USP42: variants seen among roughly 807,000 people sequenced by gnomAD.
The protein encoded by USP42 is ubiquitin carboxyl-terminal hydrolase 42.
In USP42, 23 loss-of-function variants were observed where a neutral mutation model predicts 113.0. The ratio of observed to expected loss-of-function variants is 0.20; its 90% CI spans 0.15 to 0.29. The LOEUF is 0.29. Among genes scored for constraint, USP42 ranks in the 10% least tolerant of loss-of-function variants. USP42 has a pLI of 1.00. For synonymous variants in USP42, 933 were observed against 699.0 expected, an observed-to-expected ratio of 1.33 and a Z score of -5.28; for missense variants, 2,174 against 1,779.8, an observed-to-expected ratio of 1.22 and a Z score of -3.99.
Position 6,157,395 on chromosome 7 carries a change from T to C in USP42, c.3943+340T>C. The stretch of plus-strand genomic sequence containing the variant: ...TTTGGTTTGGTTTTATTTTATTTTA[T>C]TTTATTTATTTTATTTTTTGAGACG... On this transcript the variant is annotated intron_variant, in intron 16 of 17. Transcript: ENST00000306177. This position sits in a 1 kb window ranked among gnomAD's most constrained non-coding sequence, Gnocchi z 4.1. The C allele has an allele frequency of 1.0e-6, 1 of 985,272 alleles. No homozygotes were observed. 61.0% of individuals were successfully genotyped at this position (985,272 alleles called of 1,614,324 possible).
At chr7:6,109,700 CTTTT>C (rs34684085) in intron 1 of USP42, among the ~76,000 whole-genome samples, 2 of 125,580 alleles carry the variant, frequency 1.6e-5, no homozygotes, top group Non-Finnish European at 1.7e-5. Context: ...CCCGCCCGGC[CTTTT>C]TTTTTTTTTT....
At chr7:6,135,651 C>CAA (rs1173165919) in intron 3 of USP42, among the ~76,000 whole-genome samples, 190 bp from the exon 4 acceptor site, 1,197 of 16,062 alleles carry the variant, frequency 0.075, 222 homozygotes, top group East Asian at 0.26. Context: ...GACTCCATCT[C>CAA]AAAAAAAAAA....
chr7:6,086,516 A>T, the USP42 span, among the ~76,000 whole-genome samples: 1 of 150,640 alleles, frequency 6.6e-6, no homozygotes, highest in East Asian at 2.0e-4. Flanking sequence ...AGCCGGGCTA[A>T]TTTTTGTATT....
the USP42 span, among the ~76,000 whole-genome samples, chr7:6,087,172 CAG>C: frequency 3.1e-4 from 46 of 149,836 alleles, no homozygotes; most frequent in Non-Finnish European, 6.0e-4. Flanking sequence ...GCTGGGATAA[CAG>C]GGGTGTGCCA....
At chr7:6,083,223 CTTATTTATTTATTTATTTATTTATTTAT>C in the USP42 span, among the ~76,000 whole-genome samples, 3 of 130,792 alleles carry the variant, frequency 2.3e-5, no homozygotes, top group East Asian at 2.2e-4. Context: ...CCGCACCCAG[CTTATTTATTTATTTATTTATTTATTTAT>C]TTATTTATTT....
rs374371362 is a variant in USP42, at chr7:6,154,931, C to A, written c.3377C>A (p.Ala1126Asp). The change falls in exon 15 of 18, where the codon GCC becomes GAC. Residue 1126 changes from alanine (A) to aspartate (D), a missense_variant. Ala to Asp is a moderately radical substitution (Grantham distance 126). Transcript: ENST00000306177. ...SPRAGAPHALAPHPDRFSHDR... is the reference protein window; with the variant it reads ...SPRAGAPHALDPHPDRFSHDR... ...CGCGCAGGCGCGCCCCACGCCCTCGCCCCGCACCCCGACCGCTTCTCCCAC... is the reference window on the plus strand; with the variant it reads ...CGCGCAGGCGCGCCCCACGCCCTCGACCCGCACCCCGACCGCTTCTCCCAC... The A allele has an allele frequency of 1.8e-4, 275 of 1,551,184 alleles. No homozygotes were observed. The African/African-American group carries it at 3.0e-3, about 17-fold the overall frequency.
intron 3 of USP42, among the ~76,000 whole-genome samples, chr7:6,119,196 T>C (rs1337434622): frequency 1.3e-5 from 2 of 152,084 alleles, no homozygotes; most frequent in Admixed American, 1.3e-4. Flanking sequence ...GCCTGAGTGA[T>C]AGAGTGAGAT....
At chr7:6,102,256 A>G (rs901174752), upstream of USP42, among the ~76,000 whole-genome samples, 1 of 149,262 alleles carries the variant, frequency 6.7e-6, no homozygotes, top group East Asian at 2.0e-4. Context: ...CTGGGATTAC[A>G]GGTGCCATCA....
At chr7:6,099,980 C>G (rs1010042536), upstream of USP42, among the ~76,000 whole-genome samples, 1 of 136,648 alleles carries the variant, frequency 7.3e-6, no homozygotes, top group Non-Finnish European at 1.6e-5. Context: ...AAAAAAAATT[C>G]TATTACTACC....
In USP42 at chr7:6,145,767, C is replaced by T. The variant is rs745899992; in HGVS notation, c.1131+111C>T. On this transcript the variant is annotated intron_variant, in intron 10 of 17. Coordinates refer to ENST00000306177, the MANE Select transcript of USP42 (RefSeq NM_032172.3). The stretch of plus-strand genomic sequence containing the variant: ...CTTTTACAGTTAAAATGTGAATACC[C>T]GAGGTAAAAATATTTCTCTTGGCCG... 8.1e-6 allele frequency: 10 copies of T among 1,237,826 alleles called. 1 individual carries two copies. In the South Asian group the frequency reaches 8.5e-5, roughly 11 times the overall value. 76.7% of individuals were successfully genotyped at this position (1,237,826 alleles called of 1,614,324 possible). A position where few individuals can be genotyped will look rare whatever the true frequency, so the allele number is the denominator to read the frequency against.
chr7:6,106,317 G>A (rs1779273178), intron 1 of USP42, among the ~76,000 whole-genome samples: 1 of 152,168 alleles, frequency 6.6e-6, no homozygotes, highest in Non-Finnish European at 1.5e-5. Flanking sequence ...TGTTTACGAA[G>A]AAGCAGAGCG....
chr7:6,154,385 G>A lies in USP42; in HGVS notation c.2831G>A (p.Ser944Asn). The A allele has an allele frequency of 1.3e-6, 2 of 1,576,448 alleles. No homozygotes were observed. Among genetic ancestry groups the A allele is most frequent in the East Asian group, 2.4e-5 (1 of 42,382 alleles). ...TCCCCAGCGAAGGAGAAAATCGGCAGCCTCAGAAAGGTGGACCGAGGCCAC... is the reference window on the plus strand; with the variant it reads ...TCCCCAGCGAAGGAGAAAATCGGCAACCTCAGAAAGGTGGACCGAGGCCAC... Reference protein sequence around the residue: ...GPSPAKEKIGSLRKVDRGHYR... With the variant: ...GPSPAKEKIGNLRKVDRGHYR... The change falls in exon 15 of 18, where the codon AGC becomes AAC. Residue 944 changes from serine to asparagine, a missense_variant. Ser to Asn is a conservative substitution (Grantham distance 46). Transcript: ENST00000306177.
At chr7:6,102,890 G>A (rs1790171000), upstream of USP42, among the ~76,000 whole-genome samples, 1 of 151,132 alleles carries the variant, frequency 6.6e-6, no homozygotes. Flanking sequence ...CTGTAGGGTG[G>A]GGAGTGCAGC....
chr7:6,154,598 G>A lies in USP42; in HGVS notation c.3044G>A (p.Gly1015Asp), dbSNP rs554051685. 24 of 1,582,458 alleles carry A rather than the reference G, an allele frequency of 1.5e-5. No individual in the cohort carries two copies. Among genetic ancestry groups the A allele is most frequent in the Non-Finnish European group, 2.1e-5 (24 of 1,166,528 alleles). ...RLSPGERRSL[G>D]RCSHHHSRHR... ...AGCCCTGGCGAGCGCCGCTCTCTGG[G>A]CAGGTGCAGTCACCACCACTCCCGA... The change falls in exon 15 of 18, where the codon GGC (glycine) becomes GAC (aspartate). Residue 1015 changes from glycine (G) to aspartate (D), a missense_variant. Transcript: ENST00000306177.
the USP42 span, among the ~76,000 whole-genome samples, chr7:6,087,064 C>G: frequency 6.9e-6 from 1 of 145,328 alleles, no homozygotes. Context: ...CAGAGTGTCA[C>G]TCTGTCACCC....
intron 3 of USP42, among the ~76,000 whole-genome samples, chr7:6,124,253 A>G (rs1163856809): frequency 6.6e-6 from 1 of 151,834 alleles, no homozygotes; most frequent in African/African-American, 2.4e-5. Flanking sequence ...TTTTGTCTGT[A>G]TATTTAAAGT....
rs1368273599 is a variant in USP42, at chr7:6,154,508, C to A, written c.2954C>A (p.Pro985His). Residue 985 changes from proline (P) to histidine (H), a missense_variant, in exon 15 of 18, where the codon CCC (proline) becomes CAC (histidine). Coordinates refer to ENST00000306177, the MANE Select transcript of USP42 (RefSeq NM_032172.3). ...CGTCACCGGCGGCGCCGCACCTGCCCCCGGGAGCGCGACCGCCAGGACCGC... is the reference window on the plus strand; with the variant it reads ...CGTCACCGGCGGCGCCGCACCTGCCACCGGGAGCGCGACCGCCAGGACCGC... ...GHRHRRRRTC[P>H]RERDRQDRHA... 2.6e-6 allele frequency: 4 copies of A among 1,541,856 alleles called. No homozygotes were observed. The African/African-American group carries it at 5.5e-5, about 21-fold the overall frequency.
intron 2 of USP42, chr7:6,112,012 C>G (rs1359917976): frequency 1.3e-5 from 2 of 152,222 alleles, no homozygotes; most frequent in Non-Finnish European, 2.9e-5. Context: ...TTCTAGTTTC[C>G]TAAGTAGATG....
upstream of USP42, among the ~76,000 whole-genome samples, chr7:6,101,720 C>T (rs1429935591): frequency 6.6e-6 from 1 of 150,980 alleles, no homozygotes; most frequent in African/African-American, 2.5e-5. Flanking sequence ...GGAGGTGTAA[C>T]CCCCCATCCC....
Sources: allele counts gnomAD v4.1 joint callset (sites outside exome capture counted in the v4.1 genomes callset), GRCh38; gene constraint gnomAD v4.1.1; non-coding constraint Gnocchi (gnomAD v3.1); transcripts MANE v1.5; gene names NCBI Gene and HGNC (gene_info 2026-07-23, HGNC 2026-07-21).